The following OGFOD1 variants were observed in gnomAD, a reference collection of about 807,000 sequenced individuals.
OGFOD1 encodes the protein 2-oxoglutarate and iron dependent oxygenase domain containing 1.
OGFOD1 carries 54 observed loss-of-function variants against 67.7 expected under a neutral mutation model. The ratio of observed to expected loss-of-function variants is 0.80; its 90% CI spans 0.64 to 1.00. The LOEUF (loss-of-function observed/expected upper bound fraction) is 1.00, where lower values mean the gene tolerates loss of function less well. Ranked by LOEUF, OGFOD1 falls within the 50% of genes least tolerant of loss-of-function variation. OGFOD1 has a pLI of 0.00. For synonymous variants in OGFOD1, 221 were observed against 227.0 expected, an observed-to-expected ratio of 0.97 and a Z score of 0.24; for missense variants, 606 against 646.7, an observed-to-expected ratio of 0.94 and a Z score of 0.68.
chr16:56,462,234 A>G (rs562486886), intron 3 of OGFOD1, among the ~76,000 whole-genome samples: 1 of 152,356 alleles, frequency 6.6e-6, no homozygotes, highest in South Asian at 2.1e-4. Context: ...TGCTGCCATG[A>G]CAGGGCATAC....
At position 56,477,581 on chromosome 16, in the gene OGFOD1, C is replaced by T. The variant is rs1963538888; in HGVS notation, c.*1376C>T. On this transcript the variant is annotated 3_prime_UTR_variant, in exon 13 of 13. Coordinates refer to ENST00000566157, the MANE Select transcript of OGFOD1 (RefSeq NM_018233.4). ...TTTAAGAGACGGAATGCTAAAACCA[C>T]ATCAGAATGCCAAGAGGCTGTGCAT... 1 of 152,188 alleles carries T rather than the reference C, an allele frequency of 6.6e-6. No homozygotes were observed. Among genetic ancestry groups the T allele is most frequent in the Admixed American group, 6.5e-5 (1 of 15,278 alleles). 9.4% of individuals were successfully genotyped at this position (152,188 alleles called of 1,614,324 possible).
At chr16:56,465,935 TATCTA>T (rs1323522570) in intron 4 of OGFOD1, 1 of 429,636 alleles carries the variant, frequency 2.3e-6, no homozygotes. Context: ...TATCTGGATC[TATCTA>T]ATTATGTGCT....
rs1306037913 is a variant in OGFOD1, at chr16:56,476,295, T to C, written c.*90T>C. The C allele has an allele frequency of 3.1e-5, 38 of 1,245,034 alleles. No homozygotes were observed. The highest frequency in any genetic ancestry group is 4.1e-5 in the Non-Finnish European group (37 of 896,044). 77.1% of individuals were successfully genotyped at this position (1,245,034 alleles called of 1,614,324 possible). On this transcript the variant is annotated 3_prime_UTR_variant, in exon 13 of 13. Coordinates refer to ENST00000566157, the MANE Select transcript of OGFOD1 (RefSeq NM_018233.4). ...AAGCATGGAGTCAAGGAGAACTACA[T>C]GGTAGCTTGCCTGACAGTGTTCTTA...
intron 4 of OGFOD1, 124 bp from the exon 5 acceptor site, chr16:56,466,028 G>C (rs1304218320): frequency 1.1e-5 from 7 of 659,906 alleles, no homozygotes; most frequent in Non-Finnish European, 1.4e-5. Flanking sequence ...TTTAAAGCTG[G>C]AGGACATTTA....
rs755451325 is a variant in OGFOD1, at chr16:56,467,325, G to C, written c.786+32G>C. 29 of 1,610,096 alleles carry C rather than the reference G, an allele frequency of 1.8e-5. No homozygotes were observed. In the African/African-American group the frequency reaches 3.6e-4, roughly 20 times the overall value. On this transcript the variant is annotated intron_variant, in intron 7 of 12. Coordinates refer to ENST00000566157, the MANE Select transcript of OGFOD1 (RefSeq NM_018233.4). ...AGAATTGCTGATATCCTTATCTTAGGAGCTATAGCATATCATTTGTTTCTC... is the reference window on the plus strand; with the variant it reads ...AGAATTGCTGATATCCTTATCTTAGCAGCTATAGCATATCATTTGTTTCTC...
At chr16:56,459,341 C>CAA (rs1290722013) in intron 3 of OGFOD1, among the ~76,000 whole-genome samples, 2 of 103,206 alleles carry the variant, frequency 1.9e-5, no homozygotes, top group Admixed American at 1.0e-4. Flanking sequence ...GACTCCATCT[C>CAA]AAAAAAAAAA....
chr16:56,470,089 C>T lies in OGFOD1; in HGVS notation c.980+7C>T, dbSNP rs1346679923. ...GAGGTCCCCCTAACAAAAGGTAGAA[C>T]CCGTCATCTGAGATATTTGCTTCTA... On this transcript the variant is annotated splice_region_variant and intron_variant, in intron 9 of 12. Coordinates refer to ENST00000566157, the MANE Select transcript of OGFOD1 (RefSeq NM_018233.4). The T allele has an allele frequency of 6.2e-7, 1 of 1,612,200 alleles. No individual in the cohort carries two copies. Among genetic ancestry groups the T allele is most frequent in the East Asian group, 2.2e-5 (1 of 44,870 alleles).
At chr16:56,459,861 CCTG>C (rs759047619) in intron 3 of OGFOD1, among the ~76,000 whole-genome samples, 11 of 152,050 alleles carry the variant, frequency 7.2e-5, no homozygotes, top group Non-Finnish European at 1.6e-4. Context: ...GTATTTAACT[CCTG>C]CTAGTAGGAA....
chr16:56,475,674 T>G, intron 12 of OGFOD1, 109 bp downstream of exon 12: 1 of 862,608 alleles, frequency 1.2e-6, no homozygotes, highest in Non-Finnish European at 1.9e-6. Context: ...CTAATAAATC[T>G]CTGCCAGGCA....
intron 2 of OGFOD1, chr16:56,454,882 TTAA>T: frequency 3.0e-6 from 1 of 333,476 alleles, no homozygotes; most frequent in South Asian, 2.1e-5. Flanking sequence ...GATATGACTC[TTAA>T]TAATTCAGAA....
At chr16:56,470,926 A>G (rs556076216) in intron 10 of OGFOD1, 135 bp downstream of exon 10, 167 of 834,946 alleles carry the variant, frequency 2.0e-4, no homozygotes, top group Non-Finnish European at 2.7e-4. Context: ...CAAAACAGAC[A>G]AGGTCTCTGG....
chr16:56,475,988 C>A, intron 12 of OGFOD1, 56 bp from the exon 13 acceptor site: 1 of 1,483,516 alleles, frequency 6.7e-7, no homozygotes, highest in Non-Finnish European at 9.2e-7. Context: ...GTTAATCATC[C>A]AAGATTTGAG....
In OGFOD1 at chr16:56,476,180, A is replaced by G. The variant is rs770689090; in HGVS notation, c.1604A>G (p.Asp535Gly). ...KTFPNRTGFWDFSFIYYE is the reference protein window; with the variant it reads ...KTFPNRTGFWGFSFIYYE ...TTCCCAAACAGAACAGGTTTCTGGG[A>G]CTTTTCATTCATCTATTATGAATGA... is the stretch of plus-strand genomic sequence containing the variant. Residue 535 changes from aspartate to glycine, a missense_variant, in exon 13 of 13, where the codon GAC becomes GGC. By Grantham distance (94) the Asp-to-Gly change is moderately conservative. Coordinates refer to ENST00000566157, the MANE Select transcript of OGFOD1 (RefSeq NM_018233.4). 5.0e-6 allele frequency: 8 copies of G among 1,612,170 alleles called. No individual in the cohort carries two copies. The highest frequency in any genetic ancestry group is 6.8e-6 in the Non-Finnish European group (8 of 1,179,868).
chr16:56,468,850 T>C (rs1370207203), intron 8 of OGFOD1, among the ~76,000 whole-genome samples: 1 of 152,208 alleles, frequency 6.6e-6, no homozygotes. Flanking sequence ...CTGGGATTCA[T>C]ACCTGCCTTG....
rs1182598181 is a variant in OGFOD1 at position 56,451,680 on chromosome 16, T to C, written c.68T>C (p.Met23Thr). The C allele has an allele frequency of 6.2e-7, 1 of 1,610,458 alleles. No individual in the cohort carries two copies. Among genetic ancestry groups the C allele is most frequent in the South Asian group, 1.1e-5 (1 of 91,032 alleles). Residue 23 changes from methionine to threonine, a missense_variant, in exon 1 of 13, where the codon ATG (methionine) becomes ACG (threonine). Coordinates refer to ENST00000566157, the MANE Select transcript of OGFOD1 (RefSeq NM_018233.4). ...RVGKKGKKEVMAEFSDAVTEE... is the reference protein window; with the variant it reads ...RVGKKGKKEVTAEFSDAVTEE... ...GGAAAAAAGGGAAAGAAGGAGGTGA[T>C]GGCGGAGTTTTCGGACGCTGTTACG... is the stretch of plus-strand genomic sequence containing the variant.
At position 56,467,942 on chromosome 16, in the gene OGFOD1, T is replaced by C. The variant is rs372780742; in HGVS notation, c.824T>C (p.Leu275Pro). The change falls in exon 8 of 13, where the codon CTG (leucine) becomes CCG (proline). Residue 275 changes from leucine to proline, a missense_variant. Physicochemically the swap from Leu to Pro is moderately conservative, Grantham distance 98 (BLOSUM62 -3). Coordinates refer to ENST00000566157, the MANE Select transcript of OGFOD1 (RefSeq NM_018233.4). ...ILYDWINPTY[L>P]DMDYQVQIQE... The stretch of plus-strand genomic sequence containing the variant: ...TATGATTGGATCAACCCTACTTATC[T>C]GGACATGGATTACCAAGTTCAAATT... 5.6e-6 allele frequency: 9 copies of C among 1,607,844 alleles called. No individual in the cohort carries two copies. The highest frequency in any genetic ancestry group is 6.8e-6 in the Non-Finnish European group (8 of 1,174,342).
At chr16:56,457,083 G>A (rs1269869036) in intron 2 of OGFOD1, among the ~76,000 whole-genome samples, 1 of 152,138 alleles carries the variant, frequency 6.6e-6, no homozygotes, top group East Asian at 1.9e-4. Flanking sequence ...AATGTAAATA[G>A]ACCCAAGATA....
At chr16:56,459,065 G>T (rs1421227194) in intron 3 of OGFOD1, among the ~76,000 whole-genome samples, 2 of 152,230 alleles carry the variant, frequency 1.3e-5, no homozygotes, top group African/African-American at 4.8e-5. Context: ...TGGGGGCTGG[G>T]CGTGGTGGCT....
chr16:56,461,100 G>A (rs1962696394), intron 3 of OGFOD1, among the ~76,000 whole-genome samples: 1 of 152,164 alleles, frequency 6.6e-6, no homozygotes, highest in South Asian at 2.1e-4. Context: ...CTAAAACAGT[G>A]CCACCCAAGT....
Sources: allele counts gnomAD v4.1 joint callset (sites outside exome capture counted in the v4.1 genomes callset), GRCh38; gene constraint gnomAD v4.1.1; transcripts MANE v1.5; gene names NCBI Gene and HGNC (gene_info 2026-07-23, HGNC 2026-07-21).